STAG1: variants seen among roughly 807,000 people sequenced by gnomAD.
STAG1 encodes the protein STAG1 cohesin complex component.
In STAG1, 26 loss-of-function variants were observed where a neutral mutation model predicts 170.9. That is an observed-to-expected ratio of 0.15 (90% CI 0.11 to 0.21). The LOEUF is 0.21. Ranked by LOEUF, STAG1 falls within the 10% of genes least tolerant of loss-of-function variation. STAG1 has a pLI of 1.00. For missense variants in STAG1, 964 were observed against 1,509.5 expected (o/e 0.64, Z 5.99); for synonymous variants, 514 against 497.7 (o/e 1.03, Z -0.44).
intron 5 of STAG1, among the ~76,000 whole-genome samples, chr3:136,551,592 C>G (rs1936407196): frequency 6.6e-6 from 1 of 151,176 alleles, no homozygotes; most frequent in Admixed American, 6.6e-5. Flanking sequence ...TTTTGAATTT[C>G]TGAATAGTTC....
chr3:136,705,066 G>A (rs1943188863), intron 1 of STAG1, among the ~76,000 whole-genome samples: 1 of 151,732 alleles, frequency 6.6e-6, no homozygotes, highest in South Asian at 2.1e-4. Context: ...CATCTAGACA[G>A]AAGATCATTA....
intron 5 of STAG1, among the ~76,000 whole-genome samples, chr3:136,564,973 G>GGAAGGAAC (rs1936999102): frequency 1.5e-5 from 1 of 66,660 alleles, no homozygotes; most frequent in Non-Finnish European, 2.9e-5. Flanking sequence ...GAGGAAGGAA[G>GGAAGGAAC]GAAGGAAGGA....
At chr3:136,516,979 T>C (rs1934410018) in intron 7 of STAG1, among the ~76,000 whole-genome samples, 1 of 152,240 alleles carries the variant, frequency 6.6e-6, no homozygotes, top group Non-Finnish European at 1.5e-5. Flanking sequence ...TTCAATTTTC[T>C]GAGGCAAAAT....
chr3:136,471,425 A>G (rs2089625266), intron 12 of STAG1, among the ~76,000 whole-genome samples: 1 of 152,186 alleles, frequency 6.6e-6, no homozygotes, highest in Non-Finnish European at 1.5e-5. Flanking sequence ...GAAGGTAACT[A>G]GATTTTGAAA....
chr3:136,728,434 A>C (rs985573856), intron 1 of STAG1, among the ~76,000 whole-genome samples: 1 of 152,298 alleles, frequency 6.6e-6, no homozygotes, highest in Admixed American at 6.5e-5. Flanking sequence ...CCAGAGTCTG[A>C]ATCCCAGATC....
intron 7 of STAG1, among the ~76,000 whole-genome samples, chr3:136,513,115 G>A (rs547687248): frequency 6.6e-6 from 1 of 152,052 alleles, no homozygotes; most frequent in Non-Finnish European, 1.5e-5. Context: ...CAGCCCTTTG[G>A]GAGGCCGAGG....
rs1310410494 is a variant in STAG1 at position 136,358,324 on chromosome 3, A to G, written c.2937-476T>C. On this transcript the variant is annotated intron_variant, in intron 27 of 33. Transcript: ENST00000383202. ...GGTCTCAAACTCCTGGGCTCAAGCA[A>G]TTGGCCTCCTTTGGCCTCCCAAAGT... is the stretch of plus-strand genomic sequence containing the variant. Among the ~76,000 whole-genome samples, 11 of 152,112 alleles carry G rather than the reference A, an allele frequency of 7.2e-5. 1 individual carries two copies. The South Asian group carries it at 2.3e-3, about 32-fold the overall frequency.
intron 4 of STAG1, among the ~76,000 whole-genome samples, chr3:136,573,847 T>G (rs757627923): frequency 3.3e-5 from 5 of 151,930 alleles, no homozygotes; most frequent in Non-Finnish European, 5.9e-5. Context: ...GGTGGGTGCC[T>G]GTAATCCCAG....
At chr3:136,535,653 ACT>A (rs1183614083) in intron 6 of STAG1, among the ~76,000 whole-genome samples, 1 of 152,196 alleles carries the variant, frequency 6.6e-6, no homozygotes, top group African/African-American at 2.4e-5. Flanking sequence ...ACAAAGTGAG[ACT>A]CTGTCTCAAA....
intron 6 of STAG1, among the ~76,000 whole-genome samples, chr3:136,537,562 G>A (rs796952141): frequency 1.2e-4 from 18 of 148,818 alleles, no homozygotes; most frequent in African/African-American, 3.2e-4. Context: ...GTGTGGTGGC[G>A]TGATCTCGGT....
intron 4 of STAG1, among the ~76,000 whole-genome samples, chr3:136,600,866 GTTTGTTTTGT>G (rs147103499): frequency 0.27 from 38,870 of 146,316 alleles, 6,382 homozygotes; most frequent in African/African-American, 0.48. Flanking sequence ...TTGTTTGTTT[GTTTGTTTTGT>G]TTTGTTTTGT....
chr3:136,542,878 A>G (rs1184524932), intron 5 of STAG1, among the ~76,000 whole-genome samples: 3 of 152,178 alleles, frequency 2.0e-5, no homozygotes, highest in South Asian at 4.1e-4. Context: ...CTAGAGGTTT[A>G]GCAACTTGCA....
intron 9 of STAG1, among the ~76,000 whole-genome samples, chr3:136,493,610 A>G (rs1380787719): frequency 2.0e-5 from 3 of 148,518 alleles, no homozygotes; most frequent in African/African-American, 7.4e-5. Context: ...AGCAATGATC[A>G]TGACACTGCA....
intron 25 of STAG1, among the ~76,000 whole-genome samples, chr3:136,366,487 C>G (rs572262361): frequency 1.3e-5 from 2 of 152,240 alleles, no homozygotes; most frequent in South Asian, 4.2e-4. Flanking sequence ...TATGATAAAT[C>G]AGCTACTATG....
intron 7 of STAG1, among the ~76,000 whole-genome samples, chr3:136,519,891 T>G (rs1262096995): frequency 2.0e-5 from 3 of 152,098 alleles, no homozygotes; most frequent in Non-Finnish European, 2.9e-5. Flanking sequence ...ATATTTTTAA[T>G]CTTTTGAAAA....
rs188553053 is a variant in STAG1 at position 136,507,654 on chromosome 3, C to T, written c.677-4875G>A. ...AAGTGTTGGAATTACAGGGATGAAC[C>T]GTAGTGCCTGGTCTACTTTGAATTT... On this transcript the variant is annotated intron_variant, in intron 7 of 33. Coordinates refer to ENST00000383202, the MANE Select transcript of STAG1 (RefSeq NM_005862.3). Among the ~76,000 whole-genome samples the T allele has an allele frequency of 2.0e-3, 302 of 152,218 alleles. 1 individual carries two copies. Among genetic ancestry groups the T allele is most frequent in the African/African-American group, 6.9e-3 (286 of 41,532 alleles).
intron 22 of STAG1, among the ~76,000 whole-genome samples, chr3:136,380,744 G>A (rs1937908282): frequency 6.6e-6 from 1 of 151,920 alleles, no homozygotes; most frequent in Non-Finnish European, 1.5e-5. Context: ...AACAGGCCAG[G>A]CATGATGGCT....
Position 136,341,498 on chromosome 3 carries a change from C to T in STAG1, c.3500G>A (p.Arg1167Gln), listed in dbSNP as rs747617236. 6.8e-6 allele frequency: 11 copies of T among 1,613,928 alleles called. No homozygotes were observed. The highest frequency in any genetic ancestry group is 3.3e-5 in the Admixed American group (2 of 60,010). ...GTAGTTCATTCCTGTTCTGTCCTTC[C>T]GATTTAAGTCTTCTAACTTCGGCTG... The part of the protein sequence containing the change: ...LGQPKLEDLN[R>Q]KDRTGMNYMK... Residue 1167 changes from arginine to glutamine, a missense_variant, in exon 31 of 34, where the codon CGG becomes CAG. Physicochemically the swap from Arg to Gln is conservative, Grantham distance 43. Transcript: ENST00000383202.
At chr3:136,623,826 A>G (rs1380152841) in intron 2 of STAG1, among the ~76,000 whole-genome samples, 1 of 151,926 alleles carries the variant, frequency 6.6e-6, no homozygotes, top group East Asian at 2.0e-4. Flanking sequence ...ATGGTGGCGC[A>G]TGCCTGTAAT....
Sources: gnomAD v4.1 joint callset for allele counts (sites outside exome capture counted in the v4.1 genomes callset) on GRCh38, gnomAD v4.1.1 for gene constraint, MANE v1.5 for transcripts, NCBI Gene and HGNC (gene_info 2026-07-23, HGNC 2026-07-21) for gene names.